CTNNA2: variants seen among roughly 807,000 people sequenced by gnomAD.
The protein encoded by CTNNA2 is catenin alpha 2, also known as catenin alpha-2.
CTNNA2 carries 42 observed loss-of-function variants against 101.0 expected under a neutral mutation model. The ratio of observed to expected loss-of-function variants is 0.42; its 90% CI spans 0.32 to 0.54. CTNNA2 has a LOEUF of 0.54. CTNNA2 is among the 20% of genes least tolerant of loss of function. The probability of loss-of-function intolerance (pLI) is 0.14; values close to 1 mark genes in which losing one functional copy is unlikely to be tolerated. For missense variants in CTNNA2, 871 were observed against 1,223.1 expected (o/e 0.71, Z 4.29); for synonymous variants, 450 against 456.4 (o/e 0.99, Z 0.18).
chr2:80,495,014 G>A (rs562284801), intron 9 of CTNNA2, among the ~76,000 whole-genome samples: 17 of 152,168 alleles, frequency 1.1e-4, no homozygotes, highest in Non-Finnish European at 2.2e-4. Context: ...AGCATGAACT[G>A]TGGTGGCTCC....
rs559873749 is a variant in CTNNA2, at chr2:79,238,228, G to A, written c.-406+40152G>A. On this transcript the variant is annotated intron_variant, in intron 2 of 21. Transcript: ENST00000466387. ...CTTAGAGAATAGGGAGGCCAAAGGG[G>A]AGAGAGAGAGATGGGGGAACAGCTC... Among the ~76,000 whole-genome samples, 33 of 152,042 alleles carry A rather than the reference G, an allele frequency of 2.2e-4. No individual in the cohort carries two copies. In the South Asian group the frequency reaches 5.4e-3, roughly 25 times the overall value.
intron 2 of CTNNA2, among the ~76,000 whole-genome samples, chr2:79,728,866 G>T (rs1354495658): frequency 6.6e-6 from 1 of 152,126 alleles, no homozygotes; most frequent in African/African-American, 2.4e-5. Context: ...TCTCAGGTTT[G>T]TCAAAGATCA....
chr2:80,444,591 T>C (rs997286152), intron 9 of CTNNA2, among the ~76,000 whole-genome samples: 3 of 152,218 alleles, frequency 2.0e-5, no homozygotes, highest in African/African-American at 7.2e-5. Flanking sequence ...GTTGAAGTTT[T>C]AGCCCCCAGC....
intron 7 of CTNNA2, among the ~76,000 whole-genome samples, chr2:80,094,737 G>C (rs1376986333): frequency 9.2e-5 from 14 of 152,088 alleles, no homozygotes; most frequent in Non-Finnish European, 1.9e-4. Context: ...TTGTAAGTTG[G>C]ATTCCTAGGT....
At position 79,855,194 on chromosome 2, in the gene CTNNA2, C is replaced by G. The variant is rs539650241; in HGVS notation, c.299-2819C>G. Among the ~76,000 whole-genome samples the G allele has an allele frequency of 8.5e-5, 13 of 152,258 alleles. No homozygotes were observed. The South Asian group carries it at 1.5e-3, about 17-fold the overall frequency. On this transcript the variant is annotated intron_variant, in intron 3 of 18. Transcript: ENST00000402739. ...GGCATTTTCTAATGTGGGTCTCTCT[C>G]TCTCTCTGTCTTTCTCTTTCTTTCT...
At chr2:79,335,664 C>T (rs1039014857) in intron 3 of CTNNA2, among the ~76,000 whole-genome samples, 5 of 152,184 alleles carry the variant, frequency 3.3e-5, no homozygotes, top group Non-Finnish European at 5.9e-5. Flanking sequence ...CCAAAATAGA[C>T]TCTGACTGGC....
At position 79,814,638 on chromosome 2, in the gene CTNNA2, C is replaced by CACACAT. The variant is rs145584853; in HGVS notation, c.299-43374_299-43373insCACATA. Among the ~76,000 whole-genome samples the CACACAT allele has an allele frequency of 5.1e-3, 745 of 147,030 alleles. 3 individuals carry two copies. Among genetic ancestry groups the CACACAT allele is most frequent in the African/African-American group, 0.013 (498 of 39,240 alleles). On this transcript the variant is annotated intron_variant, in intron 3 of 18. Coordinates refer to ENST00000402739, the MANE Select transcript of CTNNA2 (RefSeq NM_001282597.3). ...ACACACACACACACACACACACACA[C>CACACAT]ATATATATATATATCACAGTTTCTT... is the stretch of plus-strand genomic sequence containing the variant.
At chr2:80,163,285 A>T in intron 7 of CTNNA2, 1 of 608,778 alleles carries the variant, frequency 1.6e-6, no homozygotes, top group Non-Finnish European at 2.9e-6. Context: ...CTTGATATAA[A>T]CTCCACTTGG....
intron 2 of CTNNA2, among the ~76,000 whole-genome samples, chr2:79,251,008 A>G (rs1178938222): frequency 6.6e-6 from 1 of 152,196 alleles, no homozygotes; most frequent in African/African-American, 2.4e-5. Flanking sequence ...CTCTGAGATC[A>G]AAGTACTATG....
chr2:79,782,926 T>G (rs769328060), intron 3 of CTNNA2, among the ~76,000 whole-genome samples: 34 of 152,178 alleles, frequency 2.2e-4, no homozygotes, highest in South Asian at 1.0e-3. Flanking sequence ...GTCATCTCTT[T>G]CATAAATTTA....
rs571105535 is a variant in CTNNA2, at chr2:79,679,780, T to G, written c.102+28122T>G. Among the ~76,000 whole-genome samples, 9 of 152,062 alleles carry G rather than the reference T, an allele frequency of 5.9e-5. No individual in the cohort carries two copies. In the South Asian group the frequency reaches 1.7e-3, roughly 28 times the overall value. ...GAGGAAGACAGGAGGGACCAGTGAGTGTTTAACTCTCTTCTTATTCTGGGT... is the reference window on the plus strand; with the variant it reads ...GAGGAAGACAGGAGGGACCAGTGAGGGTTTAACTCTCTTCTTATTCTGGGT... On this transcript the variant is annotated intron_variant, in intron 2 of 18. Transcript: ENST00000402739.
chr2:79,694,255 T>C (rs960441624), intron 2 of CTNNA2, among the ~76,000 whole-genome samples: 1 of 151,994 alleles, frequency 6.6e-6, no homozygotes, highest in Non-Finnish European at 1.5e-5. Context: ...CATCTTTTTA[T>C]GCTGAGTAAA....
At chr2:79,800,369 C>T (rs1463519745) in intron 3 of CTNNA2, among the ~76,000 whole-genome samples, 1 of 152,150 alleles carries the variant, frequency 6.6e-6, no homozygotes, top group Admixed American at 6.6e-5. Context: ...TATGTACATT[C>T]CCACCTAGAT....
chr2:80,619,235 A>C lies in CTNNA2; in HGVS notation c.2574+7A>C, dbSNP rs1699107043. 1 of 1,537,820 alleles carries C rather than the reference A, an allele frequency of 6.5e-7. No homozygotes were observed. Among genetic ancestry groups the C allele is most frequent in the Admixed American group, 2.0e-5 (1 of 49,474 alleles). ...AAGCAGTGATTCCTCCATGGTGAGT[A>C]AATTGACTTTCTAATCTAATGTCTT... is the stretch of plus-strand genomic sequence containing the variant. On this transcript the variant is annotated splice_region_variant and intron_variant, in intron 18 of 18. Coordinates refer to ENST00000402739, the MANE Select transcript of CTNNA2 (RefSeq NM_001282597.3).
At chr2:79,758,982 A>G (rs571379520) in intron 3 of CTNNA2, among the ~76,000 whole-genome samples, 3 of 152,192 alleles carry the variant, frequency 2.0e-5, no homozygotes, top group Non-Finnish European at 4.4e-5. Context: ...AGTGATATAT[A>G]GGCAATCTGG....
chr2:79,718,507 T>C (rs1686256406), intron 2 of CTNNA2, among the ~76,000 whole-genome samples: 1 of 152,192 alleles, frequency 6.6e-6, no homozygotes, highest in Non-Finnish European at 1.5e-5. Context: ...CATTTATTCA[T>C]TAGTTTGAGA....
intron 9 of CTNNA2, among the ~76,000 whole-genome samples, chr2:80,489,048 A>G (rs931314855): frequency 2.6e-5 from 4 of 152,204 alleles, no homozygotes; most frequent in African/African-American, 9.6e-5. Flanking sequence ...CCTGGACCCC[A>G]GAGAACTGCA....
At chr2:79,675,859 T>A (rs187058327) in intron 2 of CTNNA2, among the ~76,000 whole-genome samples, 1 of 152,378 alleles carries the variant, frequency 6.6e-6, no homozygotes, top group East Asian at 1.9e-4. Flanking sequence ...TTCTTAAATT[T>A]AACTTCTATT....
intron 3 of CTNNA2, among the ~76,000 whole-genome samples, chr2:79,329,335 A>C (rs1020899993): frequency 2.8e-4 from 42 of 152,140 alleles, no homozygotes; most frequent in Admixed American, 2.6e-3. Flanking sequence ...AAGTATGTGG[A>C]TATTTACCTG....
Sources: gnomAD v4.1 joint callset for allele counts (sites outside exome capture counted in the v4.1 genomes callset) on GRCh38, gnomAD v4.1.1 for gene constraint, MANE v1.5 for transcripts, NCBI Gene and HGNC (gene_info 2026-07-23, HGNC 2026-07-21) for gene names.